IL9: variants seen among roughly 807,000 people sequenced by gnomAD.
IL9 encodes interleukin-9.
In IL9, 16 loss-of-function variants were observed where a neutral mutation model predicts 12.9. That is an observed-to-expected ratio of 1.24 (90% CI 0.84 to 1.88). IL9 has a LOEUF of 1.88. Ranked by LOEUF, IL9 falls within the 40% of genes most tolerant of loss-of-function variation. The pLI is 0.00. For synonymous variants in IL9, 69 were observed against 63.8 expected (o/e 1.08, Z -0.39); for missense variants, 170 against 173.1 (o/e 0.98, Z 0.10).
At chr5:135,894,648 C>T (rs961216792) in intron 3 of IL9, among the ~76,000 whole-genome samples, 4 of 152,162 alleles carry the variant, frequency 2.6e-5, no homozygotes, top group Admixed American at 6.5e-5. Flanking sequence ...ATGGATGGAC[C>T]GCGATGGGTG....
chr5:135,895,401 A>G, intron 3 of IL9, 39 bp downstream of exon 3: 2 of 1,564,436 alleles, frequency 1.3e-6, no homozygotes, highest in Non-Finnish European at 1.7e-6. Context: ...CAAACCAAAA[A>G]AATCCAAGGT....
chr5:135,895,605 G>C lies in IL9; in HGVS notation c.115-15C>G. ...GCTGGATCTTCCTAAAGTAGATAGA[G>C]AGATAAGAACCTTTAGTCAGCCCCG... is the stretch of plus-strand genomic sequence containing the variant. On this transcript the variant is annotated splice_polypyrimidine_tract_variant and intron_variant, in intron 1 of 4. Transcript: ENST00000274520. 1 of 1,613,954 alleles carries C rather than the reference G, an allele frequency of 6.2e-7. No individual in the cohort carries two copies. Among genetic ancestry groups the C allele is most frequent in the Non-Finnish European group, 8.5e-7 (1 of 1,179,790 alleles).
intron 4 of IL9, among the ~76,000 whole-genome samples, chr5:135,892,749 C>G (rs2126854672): frequency 8.5e-6 from 1 of 117,870 alleles, no homozygotes; most frequent in African/African-American, 3.0e-5. Flanking sequence ...CACACACACA[C>G]ACACACACAC....
intron 3 of IL9, among the ~76,000 whole-genome samples, chr5:135,894,890 A>C (rs1425746707): frequency 6.6e-6 from 1 of 152,164 alleles, no homozygotes; most frequent in Non-Finnish European, 1.5e-5. Flanking sequence ...ACCTGCCCAG[A>C]GGGCAGCATT....
chr5:135,892,733 TACACACACACACACACAC>T lies in IL9; in HGVS notation c.316-241_316-224del, dbSNP rs59978451. Among the ~76,000 whole-genome samples, 730 of 137,862 alleles carry T rather than the reference TACACACACACACACACAC, an allele frequency of 5.3e-3. 6 individuals are homozygous for T. The highest frequency in any genetic ancestry group is 7.0e-3 in the Non-Finnish European group (452 of 64,606). The allele number at this position is 137,862 out of a possible 152,430, so 90.4% of individuals were successfully genotyped here. ...CCTCAAATTGGATTTCAGGGGTCTT[TACACACACACACACACAC>T]ACACACACACACACACACACACACA... On this transcript the variant is annotated intron_variant, in intron 4 of 4. Transcript: ENST00000274520.
intron 3 of IL9, among the ~76,000 whole-genome samples, chr5:135,894,481 T>A (rs1762916328): frequency 6.6e-6 from 1 of 151,986 alleles, no homozygotes; most frequent in South Asian, 2.1e-4. Context: ...AAGTGCAGAG[T>A]GAGGAAAAGC....
At position 135,892,427 on chromosome 5, in the gene IL9, C is replaced by T; in HGVS notation, c.399G>A (p.Gln133=). 2 of 1,611,838 alleles carry T rather than the reference C, an allele frequency of 1.2e-6. No individual in the cohort carries two copies. Among genetic ancestry groups the T allele is most frequent in the South Asian group, 2.2e-5 (2 of 90,764 alleles). The part of the protein sequence containing the change: ...TFLKSLLEIF[Q]KEKMRGMRGK... ...CTCTCATCCCTCTCATCTTTTCTTT[C>T]TGGAAAATTTCCAGAAGACTCTTCA... Residue 133 remains glutamine, a synonymous_variant, in exon 5 of 5, where the codon CAG becomes CAA. Transcript: ENST00000274520.
chr5:135,895,261 A>T (rs1762924545), intron 3 of IL9, among the ~76,000 whole-genome samples, 179 bp downstream of exon 3: 1 of 152,232 alleles, frequency 6.6e-6, no homozygotes, highest in Non-Finnish European at 1.5e-5. Flanking sequence ...GGATTTCAAG[A>T]TCGTAGTTTT....
rs774133953 is a variant in IL9, at chr5:135,895,771, C to T, written c.46G>A (p.Val16Met). 25 of 1,614,108 alleles carry T rather than the reference C, an allele frequency of 1.5e-5. No individual in the cohort carries two copies. Among genetic ancestry groups the T allele is most frequent in the Middle Eastern group, 1.7e-4 (1 of 6,042 alleles). The change falls in exon 1 of 5, where the codon GTG becomes ATG. Residue 16 changes from valine (V) to methionine (M), a missense_variant. Coordinates refer to ENST00000274520, the MANE Select transcript of IL9 (RefSeq NM_000590.2). Reference protein sequence around the residue: ...VLTSALLLCSVAGQGCPTLAG... With the variant: ...VLTSALLLCSMAGQGCPTLAG... ...AAGGTTGGACACCCCTGGCCTGCCA[C>T]GGAGCACAGGAGCAGGGCAGAGGTA...
chr5:135,893,996 T>C (rs1279161278), intron 4 of IL9, 24 bp downstream of exon 4: 2 of 1,601,262 alleles, frequency 1.2e-6, no homozygotes, highest in South Asian at 2.3e-5. Flanking sequence ...AACAGGAACA[T>C]ATCACATATG....
chr5:135,892,767 CACACACACACA>C (rs1762888234), intron 4 of IL9, among the ~76,000 whole-genome samples: 1 of 140,862 alleles, frequency 7.1e-6, no homozygotes, highest in African/African-American at 2.6e-5. Flanking sequence ...CACACACACA[CACACACACACA>C]CCCCTATTAA....
rs371222135 is a variant in IL9, at chr5:135,892,466, G to A, written c.360C>T (p.Asn120=). 73 of 1,612,970 alleles carry A rather than the reference G, an allele frequency of 4.5e-5. No individual in the cohort carries two copies. Among genetic ancestry groups the A allele is most frequent in the Admixed American group, 2.7e-4 (16 of 59,870 alleles). ...EQPCNQTTAG[N]ALTFLKSLLE... is the part of the protein sequence containing the mutation. ...GAAGACTCTTCAGAAATGTCAGCGC[G>A]TTGCCTGCCGTGGTTTGGTTGCATG... Residue 120 remains asparagine (N), a synonymous_variant, in exon 5 of 5, where the codon AAC becomes AAT. Transcript: ENST00000274520.
At chr5:135,894,622 A>C (rs1762918073) in intron 3 of IL9, among the ~76,000 whole-genome samples, 1 of 152,186 alleles carries the variant, frequency 6.6e-6, no homozygotes, top group South Asian at 2.1e-4. Flanking sequence ...AAGGCACTCT[A>C]TCCTCTTCTC....
intron 4 of IL9, 101 bp downstream of exon 4, chr5:135,893,919 C>G: frequency 1.0e-6 from 1 of 969,794 alleles, no homozygotes; most frequent in East Asian, 2.7e-5. Flanking sequence ...CTTGAACTAC[C>G]AATTCCAACT....
At chr5:135,894,708 C>A (rs967424774) in intron 3 of IL9, among the ~76,000 whole-genome samples, 1 of 152,188 alleles carries the variant, frequency 6.6e-6, no homozygotes, top group Non-Finnish European at 1.5e-5. Context: ...TCAGATTCTC[C>A]CAGGCCTTGC....
chr5:135,895,448 T>TG lies in IL9; in HGVS notation c.174dup (p.Ile59HisfsTer4), dbSNP rs1762927505. 1 of 1,613,466 alleles carries TG rather than the reference T, an allele frequency of 6.2e-7. No individual in the cohort carries two copies. On this transcript the variant is annotated frameshift_variant, in exon 3 of 5. Coordinates refer to ENST00000274520, the MANE Select transcript of IL9 (RefSeq NM_000590.2). LOFTEE classifies it high-confidence loss of function. ...TATTTCACTATACTTACAGAGGGAATGCCCAAACAGAGACAACTGGTCACC... is the reference window on the plus strand; with the variant it reads ...TATTTCACTATACTTACAGAGGGAATGGCCCAAACAGAGACAACTGGTCACC...
At chr5:135,894,685 A>T (rs576085864) in intron 3 of IL9, among the ~76,000 whole-genome samples, 2 of 152,352 alleles carry the variant, frequency 1.3e-5, no homozygotes, top group South Asian at 4.1e-4. Context: ...CCAGGGCAAG[A>T]AGCTCAGATT....
At chr5:135,893,333 C>G (rs1474081605) in intron 4 of IL9, among the ~76,000 whole-genome samples, 1 of 152,138 alleles carries the variant, frequency 6.6e-6, no homozygotes, top group Non-Finnish European at 1.5e-5. Flanking sequence ...TAATGCAGGC[C>G]AGGCATGGTG....
At position 135,895,781 on chromosome 5, in the gene IL9, G is replaced by A. The variant is rs1762932086; in HGVS notation, c.36C>T (p.Leu12=). 6.2e-7 allele frequency: 1 copy of A among 1,614,008 alleles called. No individual in the cohort carries two copies. The highest frequency in any genetic ancestry group is 1.3e-5 in the African/African-American group (1 of 75,034). ...ACCCCTGGCCTGCCACGGAGCACAG[G>A]AGCAGGGCAGAGGTAAGGACCATGG... is the stretch of plus-strand genomic sequence containing the variant. ...LLAMVLTSAL[L]LCSVAGQGCP... The change falls in exon 1 of 5, where the codon CTC becomes CTT. Residue 12 remains leucine, a synonymous_variant. Transcript: ENST00000274520.
Sources: allele counts gnomAD v4.1 joint callset (sites outside exome capture counted in the v4.1 genomes callset), GRCh38; gene constraint gnomAD v4.1.1; transcripts MANE v1.5; gene names NCBI Gene and HGNC (gene_info 2026-07-23, HGNC 2026-07-21).